DIP2C: variants seen among roughly 807,000 people sequenced by gnomAD.
The protein encoded by DIP2C is DIP2 acetate--CoA ligase C (putative).
A neutral mutation model predicts 192.4 loss-of-function variants in DIP2C; 33 were observed. That is an observed-to-expected ratio of 0.17 (90% CI 0.13 to 0.23). The LOEUF (loss-of-function observed/expected upper bound fraction) is 0.23. DIP2C is among the 10% of genes least tolerant of loss of function. The pLI, the probability that DIP2C is intolerant of heterozygous loss-of-function variation, is 1.00. For missense variants in DIP2C, 1,537 were observed against 2,110.1 expected (o/e 0.73, Z 5.32); for synonymous variants, 979 against 864.1 (o/e 1.13, Z -2.33).
intron 2 of DIP2C, among the ~76,000 whole-genome samples, chr10:473,414 C>T (rs543354634): frequency 1.3e-5 from 2 of 152,052 alleles, no homozygotes; most frequent in East Asian, 1.9e-4. Flanking sequence ...CCCACAGTTC[C>T]GTGAACGGCT....
intron 32 of DIP2C, among the ~76,000 whole-genome samples, chr10:289,363 G>A (rs1391702104): frequency 1.3e-5 from 2 of 152,026 alleles, no homozygotes; most frequent in African/African-American, 4.8e-5. Flanking sequence ...TGACCGCCTG[G>A]CCTCAAGCAA....
Position 415,891 on chromosome 10 carries a change from G to GA in DIP2C, c.740-4dup, listed in dbSNP as rs1965596112. 1.2e-6 allele frequency: 2 copies of GA among 1,613,520 alleles called. No individual in the cohort carries two copies. The highest frequency in any genetic ancestry group is 2.7e-5 in the African/African-American group (2 of 74,756). On this transcript the variant is annotated splice_region_variant and splice_polypyrimidine_tract_variant and intron_variant, in intron 6 of 36. Transcript: ENST00000280886. ...CACCCGGCTACTTACTGGTACTCCT[G>GA]AAAAACAGGAATCAGCGGGTGGGGA...
intron 3 of DIP2C, among the ~76,000 whole-genome samples, chr10:450,999 A>G (rs1968800204): frequency 6.6e-6 from 1 of 152,172 alleles, no homozygotes. Flanking sequence ...CAATAACGGC[A>G]TCGTCTAAAT....
In DIP2C at chr10:459,092, G is replaced by T. The variant is rs560109302; in HGVS notation, c.268+13347C>A. 1.3e-4 allele frequency among the ~76,000 whole-genome samples: 20 copies of T among 151,318 alleles called. 1 individual carries two copies. Among genetic ancestry groups the T allele is most frequent in the African/African-American group, 4.6e-4 (19 of 41,154 alleles). ...CTGTTGAAAACCTTAAAAAGCTTTTGCCAGTGGGGCTAATATTTTGATATT... is the reference window on the plus strand; with the variant it reads ...CTGTTGAAAACCTTAAAAAGCTTTTTCCAGTGGGGCTAATATTTTGATATT... On this transcript the variant is annotated intron_variant, in intron 3 of 36. Coordinates refer to ENST00000280886, the MANE Select transcript of DIP2C (RefSeq NM_014974.3).
intron 3 of DIP2C, among the ~76,000 whole-genome samples, chr10:461,539 G>C (rs1969776703): frequency 6.6e-6 from 1 of 152,184 alleles, no homozygotes; most frequent in South Asian, 2.1e-4. Flanking sequence ...CATAAAGCAA[G>C]TTCTTAGATA....
chr10:283,426 G>A lies in DIP2C; in HGVS notation c.4140C>T (p.His1380=). ...AAATAGTGAAATAACCGCTGGCATT[G>A]TGGGCACTGTGAACCCAAATCTGCA... ...HLGEIWVHSA[H]NASGYFTIYG... is the part of the protein sequence containing the mutation. The change falls in exon 35 of 37, where the codon CAC becomes CAT. Residue 1380 remains histidine (H), a synonymous_variant. Coordinates refer to ENST00000280886, the MANE Select transcript of DIP2C (RefSeq NM_014974.3). 1 of 1,614,198 alleles carries A rather than the reference G, an allele frequency of 6.2e-7. No individual in the cohort carries two copies. The highest frequency in any genetic ancestry group is 8.5e-7 in the Non-Finnish European group (1 of 1,180,036).
At chr10:326,658 A>G (rs1957284488) in intron 31 of DIP2C, among the ~76,000 whole-genome samples, 1 of 152,242 alleles carries the variant, frequency 6.6e-6, no homozygotes, top group Non-Finnish European at 1.5e-5. Flanking sequence ...GCGATCGTCT[A>G]CACGCGTGGG....
At chr10:617,352 C>T (rs1372636813) in intron 1 of DIP2C, among the ~76,000 whole-genome samples, 1 of 152,146 alleles carries the variant, frequency 6.6e-6, no homozygotes, top group Non-Finnish European at 1.5e-5. Context: ...GTGATGTGAG[C>T]CCCTGAGATT....
chr10:451,920 T>C (rs1184574233), intron 3 of DIP2C, among the ~76,000 whole-genome samples: 2 of 144,774 alleles, frequency 1.4e-5, no homozygotes, highest in African/African-American at 5.8e-5. Context: ...GTCTGCTACA[T>C]TTGGTCAAAA....
chr10:552,181 T>C (rs1485804885), intron 1 of DIP2C, among the ~76,000 whole-genome samples: 1 of 152,240 alleles, frequency 6.6e-6, no homozygotes, highest in African/African-American at 2.4e-5. Context: ...GCAACTAATC[T>C]GAGATTTACT....
Position 413,823 on chromosome 10 carries a change from T to C in DIP2C, c.1057+90A>G, listed in dbSNP as rs139410658. On this transcript the variant is annotated intron_variant, in intron 8 of 36. Coordinates refer to ENST00000280886, the MANE Select transcript of DIP2C (RefSeq NM_014974.3). ...GGGTTAGCCTCGGGATTACCTTAAG[T>C]GAGGATGTAAACGGACACTGAGTTT... The C allele has an allele frequency of 5.6e-4, 835 of 1,487,326 alleles. 11 individuals carry two copies. In the East Asian group the frequency reaches 0.015, roughly 27 times the overall value. 92.1% of individuals were successfully genotyped at this position (1,487,326 alleles called of 1,614,324 possible).
intron 21 of DIP2C, 141 bp from the exon 22 acceptor site, chr10:362,832 G>GGCCGGGCGCGGTGGCTC: frequency 5.0e-6 from 5 of 991,296 alleles, no homozygotes; most frequent in Non-Finnish European, 5.7e-6. Flanking sequence ...GCCAAGGTAA[G>GGCCGGGCGCGGTGGCTC]AGAAAGGATT....
intron 1 of DIP2C, among the ~76,000 whole-genome samples, chr10:655,972 C>G (rs566212488): frequency 6.6e-6 from 1 of 152,080 alleles, no homozygotes; most frequent in South Asian, 2.1e-4. Flanking sequence ...TAACGCTATA[C>G]TATTTGTCCT....
chr10:597,851 C>CT (rs1233039146), intron 1 of DIP2C, among the ~76,000 whole-genome samples: 1 of 152,192 alleles, frequency 6.6e-6, no homozygotes, highest in African/African-American at 2.4e-5. Context: ...GTCCTGAGTC[C>CT]TTTCCTGGCT....
At chr10:414,173 T>C in intron 7 of DIP2C, 63 bp from the exon 8 acceptor site, 4 of 1,515,364 alleles carry the variant, frequency 2.6e-6, no homozygotes, top group Non-Finnish European at 1.8e-6. Context: ...GGCTACTTTT[T>C]ATTCTTTATA....
At chr10:562,566 G>T (rs190947301) in intron 1 of DIP2C, among the ~76,000 whole-genome samples, 44 of 152,296 alleles carry the variant, frequency 2.9e-4, no homozygotes, top group Admixed American at 1.0e-3. Context: ...ACGGATGGTC[G>T]TAATTTAAGT....
chr10:672,126 G>A (rs967069315), intron 1 of DIP2C, among the ~76,000 whole-genome samples: 3 of 150,194 alleles, frequency 2.0e-5, no homozygotes, highest in African/African-American at 4.9e-5. Context: ...GGGAGGAAAC[G>A]TCATAGACAC....
rs1364137635 is a variant in DIP2C, at chr10:390,150, GGT to G, written c.1495-59_1495-58del. The stretch of plus-strand genomic sequence containing the variant: ...GCTGACAGGTCACGGCAGTTTTTCT[GGT>G]TACTTGAGGTTCTCCAAGTCCCTGA... On this transcript the variant is annotated intron_variant, in intron 12 of 36. Coordinates refer to ENST00000280886, the MANE Select transcript of DIP2C (RefSeq NM_014974.3). 1.9e-6 allele frequency: 3 copies of G among 1,583,698 alleles called. No individual in the cohort carries two copies. In the African/African-American group the frequency reaches 4.0e-5, roughly 21 times the overall value.
intron 29 of DIP2C, among the ~76,000 whole-genome samples, chr10:335,422 A>G (rs1957713137): frequency 6.6e-6 from 1 of 152,246 alleles, no homozygotes; most frequent in African/African-American, 2.4e-5. Context: ...CTCCTGTCCC[A>G]GCTCAGACCC....
Sources: gnomAD v4.1 joint callset for allele counts (sites outside exome capture counted in the v4.1 genomes callset) on GRCh38, gnomAD v4.1.1 for gene constraint, MANE v1.5 for transcripts, NCBI Gene and HGNC (gene_info 2026-07-23, HGNC 2026-07-21) for gene names.